Variants in SNRNP70 observed in about 807,000 individuals in gnomAD.
SNRNP70 encodes U1 small nuclear ribonucleoprotein 70 kDa.
Under a neutral mutation model 50.5 loss-of-function variants are expected in SNRNP70, and 8 were observed. That is an observed-to-expected ratio of 0.16 (90% CI 0.09 to 0.29). The LOEUF is 0.29. SNRNP70 is among the 10% of genes least tolerant of loss of function. SNRNP70 has a pLI of 1.00. For missense variants in SNRNP70, 529 were observed against 663.5 expected (o/e 0.80, Z 2.23); for synonymous variants, 320 against 252.9 (o/e 1.27, Z -2.52).
In SNRNP70 at chr19:49,104,467, G is replaced by A; in HGVS notation, c.476-167G>A. 1 of 624,424 alleles carries A rather than the reference G, an allele frequency of 1.6e-6. No individual in the cohort carries two copies. Among genetic ancestry groups the A allele is most frequent in the Non-Finnish European group, 2.9e-6 (1 of 343,262 alleles). 38.7% of individuals were successfully genotyped at this position (624,424 alleles called of 1,614,324 possible). ...CTGAGATGGAGCAGGCCCTTCACCG[G>A]TTTGGGAGAGGGTTGGTCTGGCTGT... On this transcript the variant is annotated intron_variant, in intron 7 of 9. Transcript: ENST00000598441. This position sits in a 1 kb window ranked among gnomAD's most constrained non-coding sequence, Gnocchi z 5.4.
Position 49,107,840 on chromosome 19 carries a change from TGAGCGGGAGCGCAGAGAGCGGA to T in SNRNP70, c.713_734del (p.Glu238AlafsTer187). The T allele has an allele frequency of 6.4e-7, 1 of 1,574,024 alleles. No individual in the cohort carries two copies. Among genetic ancestry groups the T allele is most frequent in the Non-Finnish European group, 8.6e-7 (1 of 1,160,352 alleles). ...CGCACAGGGACCGGGACCGGGACCG[TGAGCGGGAGCGCAGAGAGCGGA>T]GCCGGGAGCGAGACAAGGAGCGAGA... On this transcript the variant is annotated frameshift_variant, in exon 10 of 10. Coordinates refer to ENST00000598441, the MANE Select transcript of SNRNP70 (RefSeq NM_003089.6). LOFTEE classifies it high-confidence loss of function. The surrounding 1 kb of genome is among the most constrained non-coding windows in gnomAD (Gnocchi z 6.0).
intron 4 of SNRNP70, among the ~76,000 whole-genome samples, chr19:49,091,719 G>C (rs561478401): frequency 6.6e-6 from 1 of 152,106 alleles, no homozygotes. Context: ...CGGTGCTTAC[G>C]CAGAAGCGTG....
Position 49,104,742 on chromosome 19 carries a change from A to G in SNRNP70, c.577+7A>G, listed in dbSNP as rs919204305. On this transcript the variant is annotated splice_region_variant and intron_variant, in intron 8 of 9. Coordinates refer to ENST00000598441, the MANE Select transcript of SNRNP70 (RefSeq NM_003089.6). This position sits in a 1 kb window ranked among gnomAD's most constrained non-coding sequence, Gnocchi z 5.4. ...TGGAGGCCCCGGCGGCTAGGTGAGC[A>G]CATCCTGCCTTCGACGGGCTCTCGG... 2.6e-6 allele frequency: 4 copies of G among 1,531,744 alleles called. No individual in the cohort carries two copies. In the Admixed American group the frequency reaches 6.1e-5, roughly 23 times the overall value. The allele number at this position is 1,531,744 out of a possible 1,614,324, so 94.9% of individuals were successfully genotyped here.
In SNRNP70 at chr19:49,093,174, C is replaced by A. The variant is rs983478831; in HGVS notation, c.265+2654C>A. ...GTAGTGGTACGATCTAGGGTCACTG[C>A]AACCTCTGCCTCCCCGGTTCAAGCG... On this transcript the variant is annotated intron_variant, in intron 4 of 9. Coordinates refer to ENST00000598441, the MANE Select transcript of SNRNP70 (RefSeq NM_003089.6). 2.0e-5 allele frequency among the ~76,000 whole-genome samples: 3 copies of A among 152,058 alleles called. No individual in the cohort carries two copies. The South Asian group carries it at 6.2e-4, about 31-fold the overall frequency.
At chr19:49,105,742 A>AC (rs2040658770) in intron 8 of SNRNP70, among the ~76,000 whole-genome samples, 2 of 107,366 alleles carry the variant, frequency 1.9e-5, no homozygotes, top group South Asian at 2.9e-4. Flanking sequence ...AAAAAAAAAC[A>AC]AAAAACAAAA....
In SNRNP70 at chr19:49,108,074, C is replaced by A; in HGVS notation, c.945C>A (p.Asp315Glu). 1 of 1,553,858 alleles carries A rather than the reference C, an allele frequency of 6.4e-7. No individual in the cohort carries two copies. The highest frequency in any genetic ancestry group is 8.7e-7 in the Non-Finnish European group (1 of 1,149,966). The change falls in exon 10 of 10, where the codon GAC (aspartate) becomes GAA (glutamate). Residue 315 changes from aspartate (D) to glutamate (E), a missense_variant. Transcript: ENST00000598441. ...RKEELRGGGGDMAEPSEAGDA... is the reference protein window; with the variant it reads ...RKEELRGGGGEMAEPSEAGDA... Reference sequence around the variant, plus strand: ...AGGAGCTGCGTGGCGGCGGTGGCGACATGGCGGAGCCCTCCGAGGCGGGTG... The same window carrying A: ...AGGAGCTGCGTGGCGGCGGTGGCGAAATGGCGGAGCCCTCCGAGGCGGGTG...
chr19:49,094,843 A>G (rs1423265575), intron 4 of SNRNP70, among the ~76,000 whole-genome samples: 1 of 152,180 alleles, frequency 6.6e-6, no homozygotes, highest in Non-Finnish European at 1.5e-5. Flanking sequence ...TAAGATAAAG[A>G]AATGGAGGCT....
Position 49,104,979 on chromosome 19 carries a change from G to A in SNRNP70, c.577+244G>A, listed in dbSNP as rs1036822236. Among the ~76,000 whole-genome samples, 15 of 152,276 alleles carry A rather than the reference G, an allele frequency of 9.9e-5. No homozygotes were observed. The highest frequency in any genetic ancestry group is 3.4e-3 in the Middle Eastern group (1 of 294). On this transcript the variant is annotated intron_variant, in intron 8 of 9. Coordinates refer to ENST00000598441, the MANE Select transcript of SNRNP70 (RefSeq NM_003089.6). The surrounding 1 kb of genome is among the most constrained non-coding windows in gnomAD (Gnocchi z 5.4). ...GGCCTGAGCCCACATGCTGGCGTCCGCCCTTGCTAGCTGGGGGTCCCCTTT... is the reference window on the plus strand; with the variant it reads ...GGCCTGAGCCCACATGCTGGCGTCCACCCTTGCTAGCTGGGGGTCCCCTTT...
chr19:49,093,716 C>G (rs1037912961), intron 4 of SNRNP70, among the ~76,000 whole-genome samples: 1 of 148,516 alleles, frequency 6.7e-6, no homozygotes, highest in Admixed American at 6.8e-5. Flanking sequence ...AGTTCCAGGC[C>G]AGGCACGGAG....
chr19:49,103,967 C>CT (rs1360758067), intron 7 of SNRNP70: 1 of 151,916 alleles, frequency 6.6e-6, no homozygotes. Context: ...TAGCACCGCA[C>CT]GGCTCCCCAT....
chr19:49,097,618 CAG>C (rs1430239644), intron 4 of SNRNP70, among the ~76,000 whole-genome samples: 1 of 152,168 alleles, frequency 6.6e-6, no homozygotes, highest in Non-Finnish European at 1.5e-5. Flanking sequence ...GAAGAACCGG[CAG>C]AGTGTCCTTA....
chr19:49,108,413 T>C lies in SNRNP70; in HGVS notation c.1284T>C (p.Asn428=), dbSNP rs371385381. Residue 428 remains asparagine (N), a synonymous_variant, in exon 10 of 10, where the codon AAT becomes AAC. Coordinates refer to ENST00000598441, the MANE Select transcript of SNRNP70 (RefSeq NM_003089.6). ...GCGACGGCTACCTGGCTCCGGAGAA[T>C]GGGTATTTGATGGAGGCTGCGCCGG... ...EGGDGYLAPE[N]GYLMEAAPE is the part of the protein sequence containing the mutation. The C allele has an allele frequency of 2.2e-5, 35 of 1,610,158 alleles. No individual in the cohort carries two copies. The highest frequency in any genetic ancestry group is 3.4e-5 in the Admixed American group (2 of 59,684).
intron 4 of SNRNP70, among the ~76,000 whole-genome samples, chr19:49,092,678 G>A (rs1447268654): frequency 2.0e-5 from 3 of 152,106 alleles, no homozygotes; most frequent in Non-Finnish European, 4.4e-5. Context: ...CAAAGTGCTG[G>A]GATTACAGGC....
At chr19:49,105,265 A>G (rs1199815080) in intron 8 of SNRNP70, among the ~76,000 whole-genome samples, 4 of 151,968 alleles carry the variant, frequency 2.6e-5, no homozygotes, top group South Asian at 4.1e-4. Flanking sequence ...CGGTCTCCTC[A>G]TTGTCATTTG....
intron 8 of SNRNP70, among the ~76,000 whole-genome samples, chr19:49,105,988 T>C (rs947424024): frequency 1.3e-5 from 2 of 152,196 alleles, no homozygotes; most frequent in African/African-American, 2.4e-5. Context: ...GAGGACTGAA[T>C]CCTGCAAAGC....
In SNRNP70 at chr19:49,104,581, T is replaced by G. The variant is rs577346396; in HGVS notation, c.476-53T>G. The G allele has an allele frequency of 3.7e-6, 5 of 1,368,284 alleles. No homozygotes were observed. Among genetic ancestry groups the G allele is most frequent in the South Asian group, 1.2e-5 (1 of 80,372 alleles). The allele number at this position is 1,368,284 out of a possible 1,614,324, so 84.8% of individuals were successfully genotyped here. A position where few individuals can be genotyped will look rare whatever the true frequency, so the allele number is the denominator to read the frequency against. On this transcript the variant is annotated intron_variant, in intron 7 of 9. Transcript: ENST00000598441. This position sits in a 1 kb window ranked among gnomAD's most constrained non-coding sequence, Gnocchi z 5.4. The stretch of plus-strand genomic sequence containing the variant: ...TCTGTAGAGCTGGGCCTGTCCTGAC[T>G]AGAGGACCCTCTGGGGACTCCTCTC...
At chr19:49,097,989 C>G (rs3795053) in intron 4 of SNRNP70, among the ~76,000 whole-genome samples, 8,936 of 152,282 alleles carry the variant, frequency 0.059, 479 homozygotes, top group Admixed American at 0.16. Context: ...CAGTCTGTGT[C>G]CAGTAGGTGG....
intron 4 of SNRNP70, among the ~76,000 whole-genome samples, chr19:49,094,731 G>A (rs962416078): frequency 5.3e-5 from 8 of 152,210 alleles, no homozygotes; most frequent in Admixed American, 1.3e-4. Context: ...ACAATGAACA[G>A]CTCCCGTCAA....
chr19:49,108,410 G>A lies in SNRNP70; in HGVS notation c.1281G>A (p.Glu427=). 6.2e-7 allele frequency: 1 copy of A among 1,610,550 alleles called. No individual in the cohort carries two copies. The highest frequency in any genetic ancestry group is 8.5e-7 in the Non-Finnish European group (1 of 1,178,522). ...SEGGDGYLAP[E]NGYLMEAAPE ...GCGGCGACGGCTACCTGGCTCCGGA[G>A]AATGGGTATTTGATGGAGGCTGCGC... Residue 427 remains glutamate (E), a synonymous_variant, in exon 10 of 10, where the codon GAG becomes GAA. Transcript: ENST00000598441.
Sources: allele counts gnomAD v4.1 joint callset (sites outside exome capture counted in the v4.1 genomes callset), GRCh38; gene constraint gnomAD v4.1.1; non-coding constraint Gnocchi (gnomAD v3.1); transcripts MANE v1.5; gene names NCBI Gene and HGNC (gene_info 2026-07-23, HGNC 2026-07-21).